The following KIAA1549L variants were observed in gnomAD, a reference collection of about 807,000 sequenced individuals.
KIAA1549L encodes the protein KIAA1549 like, also known as UPF0606 protein KIAA1549L.
In KIAA1549L, 88 loss-of-function variants were observed where a neutral mutation model predicts 160.7. That is an observed-to-expected ratio of 0.55 (90% CI 0.46 to 0.65). The LOEUF is 0.65. KIAA1549L is among the 30% of genes least tolerant of loss of function. The probability of loss-of-function intolerance (pLI) is 0.00; values close to 1 mark genes in which losing one functional copy is unlikely to be tolerated. For synonymous variants in KIAA1549L, 950 were observed against 976.7 expected, an observed-to-expected ratio of 0.97 and a Z score of 0.51; for missense variants, 2,258 against 2,437.5, an observed-to-expected ratio of 0.93 and a Z score of 1.55.
At chr11:33,505,111 C>T (rs1853049715) in intron 1 of KIAA1549L, among the ~76,000 whole-genome samples, 1 of 152,182 alleles carries the variant, frequency 6.6e-6, no homozygotes, top group Non-Finnish European at 1.5e-5. Context: ...AGTTAAGTTG[C>T]CCAAAATCAC....
At chr11:33,510,417 C>T (rs1490799445) in intron 1 of KIAA1549L, among the ~76,000 whole-genome samples, 1 of 152,142 alleles carries the variant, frequency 6.6e-6, no homozygotes, top group Non-Finnish European at 1.5e-5. Flanking sequence ...GAACTCCTGA[C>T]CTCAAGTGAT....
chr11:33,408,191 CT>C (rs1225030240), intron 1 of KIAA1549L, among the ~76,000 whole-genome samples: 2 of 152,020 alleles, frequency 1.3e-5, no homozygotes, highest in African/African-American at 4.8e-5. Context: ...TTTGTAGTAC[CT>C]TCTTTTCTAA....
At chr11:33,600,009 C>T (rs78017273) in intron 13 of KIAA1549L, among the ~76,000 whole-genome samples, 5 of 150,834 alleles carry the variant, frequency 3.3e-5, no homozygotes, top group East Asian at 1.9e-4. Context: ...TTTTTTTTTC[C>T]GACTGAAAAC....
At chr11:33,660,824 G>C (rs762680397) in intron 19 of KIAA1549L, 39 bp from the exon 20 acceptor site, 2 of 1,606,018 alleles carry the variant, frequency 1.2e-6, no homozygotes, top group Non-Finnish European at 1.7e-6. Context: ...CCTCAGACCA[G>C]CCTCTCTTAA....
chr11:33,427,295 C>T (rs1295910437), intron 1 of KIAA1549L, among the ~76,000 whole-genome samples: 2 of 152,184 alleles, frequency 1.3e-5, no homozygotes, highest in Non-Finnish European at 2.9e-5. Flanking sequence ...CTTAACCTGG[C>T]TGCCTGAATC....
In KIAA1549L at chr11:33,647,958, G is replaced by A. The variant is rs117947911; in HGVS notation, c.5760+1922G>A. On this transcript the variant is annotated intron_variant, in intron 17 of 20. Transcript: ENST00000658780. ...AAGGACTGTGAAATAACACAACAGA[G>A]AGATGGGTCATCAAACCAGAACTAA... Among the ~76,000 whole-genome samples, 206 of 152,216 alleles carry A rather than the reference G, an allele frequency of 1.4e-3. 4 individuals are homozygous for A. In the East Asian group the frequency reaches 0.036, roughly 27 times the overall value.
rs1008261470 is a variant in KIAA1549L at position 33,465,046 on chromosome 11, C to CTTTTTT, written c.239-76734_239-76729dup. Among the ~76,000 whole-genome samples the CTTTTTT allele has an allele frequency of 3.5e-3, 276 of 78,998 alleles. 33 individuals carry two copies. Among genetic ancestry groups the CTTTTTT allele is most frequent in the African/African-American group, 0.014 (261 of 19,328 alleles). The allele number at this position is 78,998 out of a possible 152,430, so 51.8% of individuals were successfully genotyped here. A position where few individuals can be genotyped will look rare whatever the true frequency, so the allele number is the denominator to read the frequency against. ...CATTCAACTCGCATGGGACCTTCTT[C>CTTTTTT]TTTTTTTTTTTTTTTTTTTTTTTTT... is the stretch of plus-strand genomic sequence containing the variant. On this transcript the variant is annotated intron_variant, in intron 1 of 20. Transcript: ENST00000658780.
chr11:33,551,341 A>G, intron 5 of KIAA1549L, 82 bp downstream of exon 5: 2 of 1,161,908 alleles, frequency 1.7e-6, no homozygotes, highest in Non-Finnish European at 2.5e-6. Context: ...TAAAAGCTCC[A>G]TTGCTAGCTG....
In KIAA1549L at chr11:33,590,752, T is replaced by A. The variant is rs573051003; in HGVS notation, c.4567-485T>A. ...TAAAGCAGATAAGATTATCTTCAGTTCTCAGATGAAAAAATTGAGGTTCAG... is the reference window on the plus strand; with the variant it reads ...TAAAGCAGATAAGATTATCTTCAGTACTCAGATGAAAAAATTGAGGTTCAG... On this transcript the variant is annotated intron_variant, in intron 11 of 20. Transcript: ENST00000658780. Among the ~76,000 whole-genome samples the A allele has an allele frequency of 1.2e-4, 18 of 152,340 alleles. No individual in the cohort carries two copies. The South Asian group carries it at 3.7e-3, about 32-fold the overall frequency.
chr11:33,456,842 A>G (rs145270537), intron 1 of KIAA1549L, among the ~76,000 whole-genome samples: 1 of 152,204 alleles, frequency 6.6e-6, no homozygotes, highest in African/African-American at 2.4e-5. Context: ...CCAATCTAAC[A>G]CACTTGTCCA....
intron 1 of KIAA1549L, among the ~76,000 whole-genome samples, chr11:33,388,188 G>A (rs1382951094): frequency 6.6e-6 from 1 of 152,138 alleles, no homozygotes; most frequent in South Asian, 2.1e-4. Flanking sequence ...TCACAGTTCC[G>A]CATGGCTGGG....
Position 33,568,170 on chromosome 11 carries a change from C to T in KIAA1549L, c.4173C>T (p.Ser1391=). 2 of 1,613,622 alleles carry T rather than the reference C, an allele frequency of 1.2e-6. No homozygotes were observed. The highest frequency in any genetic ancestry group is 1.7e-6 in the Non-Finnish European group (2 of 1,179,792). Residue 1391 remains serine, a synonymous_variant, in exon 9 of 21, where the codon TCC becomes TCT. Transcript: ENST00000658780. The part of the protein sequence containing the change: ...EQRLAQLFMM[S]QQQGRRFKRA... ...GCCTGGCCCAGCTATTCATGATGTC[C>T]CAGCAACAAGGCCGGCGGTTTAAAC...
intron 1 of KIAA1549L, among the ~76,000 whole-genome samples, chr11:33,473,714 A>C (rs998700331): frequency 5.9e-5 from 9 of 151,914 alleles, no homozygotes; most frequent in African/African-American, 2.2e-4. Flanking sequence ...TTCCCTGACC[A>C]TTTTCCTCAT....
chr11:33,626,121 C>A (rs1851105643), intron 16 of KIAA1549L, among the ~76,000 whole-genome samples: 2 of 149,456 alleles, frequency 1.3e-5, no homozygotes, highest in Admixed American at 6.6e-5. Context: ...TGATCTATAT[C>A]TCTGTTTTGG....
chr11:33,643,817 G>T (rs994995552), intron 16 of KIAA1549L, among the ~76,000 whole-genome samples: 14 of 152,210 alleles, frequency 9.2e-5, no homozygotes, highest in African/African-American at 3.4e-4. Context: ...AATGTTCTAT[G>T]CATTGTGAAG....
chr11:33,619,718 T>C (rs555082464), intron 16 of KIAA1549L, among the ~76,000 whole-genome samples: 1 of 152,374 alleles, frequency 6.6e-6, no homozygotes, highest in South Asian at 2.1e-4. Flanking sequence ...TCCTTTTTCA[T>C]AAAACAGTTT....
intron 4 of KIAA1549L, among the ~76,000 whole-genome samples, chr11:33,548,186 G>A (rs1260045792): frequency 6.6e-6 from 1 of 152,164 alleles, no homozygotes; most frequent in Non-Finnish European, 1.5e-5. Flanking sequence ...ATCACTTGGG[G>A]TCAGGAGTTT....
intron 1 of KIAA1549L, among the ~76,000 whole-genome samples, chr11:33,438,572 G>A (rs1254255714): frequency 2.0e-5 from 3 of 152,238 alleles, no homozygotes; most frequent in Non-Finnish European, 4.4e-5. Context: ...CCCCGGCCAA[G>A]GAGAGCAAGG....
chr11:33,634,952 T>G (rs999356102), intron 16 of KIAA1549L, among the ~76,000 whole-genome samples: 2 of 152,186 alleles, frequency 1.3e-5, no homozygotes, highest in African/African-American at 4.8e-5. Context: ...AAAAATTTTT[T>G]TTAATTCCAT....
Sources: allele counts gnomAD v4.1 joint callset (sites outside exome capture counted in the v4.1 genomes callset), GRCh38; gene constraint gnomAD v4.1.1; transcripts MANE v1.5; gene names NCBI Gene and HGNC (gene_info 2026-07-23, HGNC 2026-07-21).